Variants in NELL2 observed in about 807,000 individuals in gnomAD.
The protein encoded by NELL2 is protein kinase C-binding protein NELL2.
NELL2 carries 41 observed loss-of-function variants against 109.6 expected under a neutral mutation model. The observed-to-expected ratio is 0.37, with a 90% CI of 0.29 to 0.49. The LOEUF is 0.49. Ranked by LOEUF, NELL2 falls within the 20% of genes least tolerant of loss-of-function variation. The probability of loss-of-function intolerance (pLI) is 0.98; values close to 1 mark genes in which losing one functional copy is unlikely to be tolerated. For missense variants in NELL2, 900 were observed against 1,008.3 expected (o/e 0.89, Z 1.45); for synonymous variants, 355 against 344.7 (o/e 1.03, Z -0.33).
chr12:44,600,732 CTCTG>C (rs906252072), intron 15 of NELL2, among the ~76,000 whole-genome samples: 7 of 152,310 alleles, frequency 4.6e-5, no homozygotes, highest in African/African-American at 7.2e-5. Flanking sequence ...ATTTGAACTA[CTCTG>C]TCTAACAAGG....
At chr12:44,561,759 G>T (rs1031725512) in intron 15 of NELL2, among the ~76,000 whole-genome samples, 15 of 152,190 alleles carry the variant, frequency 9.9e-5, no homozygotes, top group Non-Finnish European at 1.9e-4. Flanking sequence ...GTAATTTATA[G>T]ATTCAATGCT....
upstream of NELL2, chr12:44,914,228 TC>T (rs1945809024): frequency 6.5e-6 from 1 of 152,790 alleles, no homozygotes; most frequent in African/African-American, 2.4e-5. Flanking sequence ...AAAGCTGAAG[TC>T]CTTGCCAAGC....
intron 2 of NELL2, among the ~76,000 whole-genome samples, chr12:44,823,128 G>A (rs566859961): frequency 6.6e-6 from 1 of 152,092 alleles, no homozygotes; most frequent in Admixed American, 6.5e-5. Context: ...GGATATAATT[G>A]ACAAATTAAA....
chr12:44,830,561 C>T (rs1426121531), intron 2 of NELL2, among the ~76,000 whole-genome samples: 1 of 152,102 alleles, frequency 6.6e-6, no homozygotes, highest in Admixed American at 6.6e-5. Flanking sequence ...ACTTTTCAAA[C>T]CAGAGTTTCA....
At chr12:44,745,219 G>C (rs1388333324) in intron 9 of NELL2, among the ~76,000 whole-genome samples, 2 of 151,922 alleles carry the variant, frequency 1.3e-5, no homozygotes, top group East Asian at 3.9e-4. Flanking sequence ...TATCTCAACA[G>C]ATGCAGAAAA....
At chr12:44,673,513 AGCAGAAAGAACT>A (rs1948212132) in intron 12 of NELL2, among the ~76,000 whole-genome samples, 1 of 152,224 alleles carries the variant, frequency 6.6e-6, no homozygotes, top group Non-Finnish European at 1.5e-5. Context: ...CTTTCTACTA[AGCAGAAAGAACT>A]GCACAGGTTT....
At chr12:44,808,434 T>C (rs919701575) in intron 3 of NELL2, among the ~76,000 whole-genome samples, 1 of 151,968 alleles carries the variant, frequency 6.6e-6, no homozygotes, top group Non-Finnish European at 1.5e-5. Flanking sequence ...TTCCTAATAA[T>C]AAGGGAGGTA....
intron 15 of NELL2, among the ~76,000 whole-genome samples, chr12:44,575,690 A>C (rs1479772234): frequency 6.6e-6 from 1 of 152,188 alleles, no homozygotes; most frequent in Non-Finnish European, 1.5e-5. Context: ...AGCACTGAGC[A>C]TAGGGTTTGC....
chr12:44,568,823 C>T (rs911935791), intron 15 of NELL2, among the ~76,000 whole-genome samples: 1 of 151,856 alleles, frequency 6.6e-6, no homozygotes, highest in Non-Finnish European at 1.5e-5. Flanking sequence ...TATAGTTAGG[C>T]TTTTAAATTA....
At position 44,798,918 on chromosome 12, in the gene NELL2, GAAAA is replaced by G. The variant is rs1429782764; in HGVS notation, c.335+17064_335+17067del. 1.0e-4 allele frequency among the ~76,000 whole-genome samples: 15 copies of G among 146,390 alleles called. No individual in the cohort carries two copies. The East Asian group carries it at 3.0e-3, about 29-fold the overall frequency. ...GGATCAGTTGGCTATTCATATAGGGGAAAAAAGAACTTTGCAAATGATTTCCACT... is the reference window on the plus strand; with the variant it reads ...GGATCAGTTGGCTATTCATATAGGGGAAGAACTTTGCAAATGATTTCCACT... On this transcript the variant is annotated intron_variant, in intron 3 of 19. Transcript: ENST00000429094.
intron 7 of NELL2, among the ~76,000 whole-genome samples, chr12:44,776,537 C>A (rs1427722690): frequency 1.3e-5 from 2 of 152,084 alleles, no homozygotes; most frequent in Non-Finnish European, 2.9e-5. Flanking sequence ...AAATCATACA[C>A]CATACAACAC....
chr12:44,726,642 T>G (rs572766686), intron 9 of NELL2, among the ~76,000 whole-genome samples: 23 of 152,304 alleles, frequency 1.5e-4, no homozygotes, highest in African/African-American at 5.1e-4. Context: ...CAAGAAAATT[T>G]TGATTGCAAT....
At chr12:44,590,092 G>A (rs559284278) in intron 15 of NELL2, among the ~76,000 whole-genome samples, 1 of 151,972 alleles carries the variant, frequency 6.6e-6, no homozygotes, top group Non-Finnish European at 1.5e-5. Flanking sequence ...TTGCATATAT[G>A]CCAGCAGGCA....
intron 13 of NELL2, among the ~76,000 whole-genome samples, chr12:44,644,324 T>A (rs568042299): frequency 2.6e-5 from 4 of 151,992 alleles, no homozygotes; most frequent in African/African-American, 9.7e-5. Context: ...GAATTTTGTA[T>A]AATAAATCTG....
intron 2 of NELL2, among the ~76,000 whole-genome samples, chr12:44,866,149 G>T (rs962744627): frequency 6.6e-6 from 1 of 152,154 alleles, no homozygotes; most frequent in Non-Finnish European, 1.5e-5. Flanking sequence ...ATGAGGAATG[G>T]CCCTCACCAG....
intron 1 of NELL2, among the ~76,000 whole-genome samples, chr12:44,909,928 C>A (rs367987037): frequency 6.6e-6 from 1 of 151,572 alleles, no homozygotes; most frequent in African/African-American, 2.4e-5. Context: ...TCCAGCTATA[C>A]GCAGAATAAT....
intron 1 of NELL2, among the ~76,000 whole-genome samples, chr12:44,900,275 A>G (rs762184048): frequency 1.5e-4 from 23 of 152,194 alleles, no homozygotes; most frequent in South Asian, 2.1e-4. Flanking sequence ...ATGGACATCT[A>G]CTGAACTGTC....
chr12:44,790,627 A>G (rs1942347704), intron 3 of NELL2, among the ~76,000 whole-genome samples: 1 of 152,126 alleles, frequency 6.6e-6, no homozygotes. Flanking sequence ...TACACACGCA[A>G]CAAAGAACAT....
rs1396045926 is a variant in NELL2, at chr12:44,550,754, TA to T, written c.1664-18034del. Among the ~76,000 whole-genome samples, 4 of 152,078 alleles carry T rather than the reference TA, an allele frequency of 2.6e-5. No homozygotes were observed. The East Asian group carries it at 7.7e-4, about 29-fold the overall frequency. On this transcript the variant is annotated intron_variant, in intron 15 of 19. Transcript: ENST00000429094. ...CAGGAGGGCATAACATATGGTGAAA[TA>T]AGTCAGACACAGAAAGATAAGTGCT...
Sources: gnomAD v4.1 joint callset for allele counts (sites outside exome capture counted in the v4.1 genomes callset) on GRCh38, gnomAD v4.1.1 for gene constraint, MANE v1.5 for transcripts, NCBI Gene and HGNC (gene_info 2026-07-23, HGNC 2026-07-21) for gene names.